PIGU: variants seen among roughly 807,000 people sequenced by gnomAD.
The protein encoded by PIGU is GPI-anchor transamidase component PIGU.
In PIGU, 24 loss-of-function variants were observed where a neutral mutation model predicts 49.9. The ratio of observed to expected loss-of-function variants is 0.48; its 90% CI spans 0.35 to 0.68. PIGU has a LOEUF of 0.68. PIGU is among the 30% of genes least tolerant of loss of function. The pLI, the probability that PIGU is intolerant of heterozygous loss-of-function variation, is 0.01. For missense variants in PIGU, 490 were observed against 532.6 expected, an observed-to-expected ratio of 0.92 and a Z score of 0.79; for synonymous variants, 220 against 205.7, an observed-to-expected ratio of 1.07 and a Z score of -0.59.
chr20:34,570,651 G>A (rs1362762903), intron 11 of PIGU, among the ~76,000 whole-genome samples: 2 of 152,170 alleles, frequency 1.3e-5, no homozygotes, highest in African/African-American at 4.8e-5. Flanking sequence ...CTGACCTCAT[G>A]ATCCCAAAGT....
chr20:34,663,091 G>A (rs1986977791), intron 1 of PIGU, among the ~76,000 whole-genome samples: 2 of 152,056 alleles, frequency 1.3e-5, no homozygotes, highest in Admixed American at 1.3e-4. Context: ...TTTTGGTAGA[G>A]ACAGTGTCTT....
chr20:34,564,465 C>T (rs1982660379), intron 11 of PIGU, among the ~76,000 whole-genome samples: 1 of 152,146 alleles, frequency 6.6e-6, no homozygotes, highest in Non-Finnish European at 1.5e-5. Context: ...CCCAGGAGGT[C>T]GACCTGGGCA....
Position 34,562,672 on chromosome 20 carries a change from G to A in PIGU, c.1195-1693C>T. ...CTGGAGCACTGGACTAATGGCCATG[G>A]ACCCAGAAAGGTGGTCTGCCTGGGG... On this transcript the variant is annotated intron_variant, in intron 11 of 11. Transcript: ENST00000217446. 3 of 863,896 alleles carry A rather than the reference G, an allele frequency of 3.5e-6. No homozygotes were observed. The South Asian group carries it at 4.2e-5, about 12-fold the overall frequency. 53.5% of individuals were successfully genotyped at this position (863,896 alleles called of 1,614,324 possible). A position where few individuals can be genotyped will look rare whatever the true frequency, so the allele number is the denominator to read the frequency against.
chr20:34,667,097 C>T (rs1301850507), intron 1 of PIGU, among the ~76,000 whole-genome samples: 1 of 152,166 alleles, frequency 6.6e-6, no homozygotes, highest in Non-Finnish European at 1.5e-5. Context: ...CCACCCTGGC[C>T]TCCCAAAGTG....
intron 1 of PIGU, among the ~76,000 whole-genome samples, chr20:34,668,483 A>AAAAG (rs1412365978): frequency 0.16 from 13,535 of 86,156 alleles, 1,451 homozygotes; most frequent in Non-Finnish European, 0.2. Context: ...AAAAAAAAAA[A>AAAAG]GGGGGGGGCG....
At chr20:34,611,379 G>A (rs1984806734) in intron 7 of PIGU, among the ~76,000 whole-genome samples, 1 of 152,110 alleles carries the variant, frequency 6.6e-6, no homozygotes, top group African/African-American at 2.4e-5. Context: ...AGGTGCGGTG[G>A]CTTATGCCTG....
intron 7 of PIGU, among the ~76,000 whole-genome samples, chr20:34,614,344 G>T (rs1309899967): frequency 6.6e-6 from 1 of 152,026 alleles, no homozygotes; most frequent in Non-Finnish European, 1.5e-5. Context: ...CAAATTTCTG[G>T]CTGGGTGAAG....
chr20:34,634,013 G>C (rs576021648), intron 6 of PIGU, among the ~76,000 whole-genome samples: 1 of 152,144 alleles, frequency 6.6e-6, no homozygotes, highest in Admixed American at 6.6e-5. Flanking sequence ...CAAAGAAGTT[G>C]AACTAGGGGT....
chr20:34,654,190 C>T lies in PIGU; in HGVS notation c.195+2990G>A, dbSNP rs142549772. On this transcript the variant is annotated intron_variant, in intron 2 of 11. Coordinates refer to ENST00000217446, the MANE Select transcript of PIGU (RefSeq NM_080476.5). ...TTATTAAGAGTCTCTTGGCCGGGCA[C>T]GGTGGCTCACGCCTGTAATCCTAGC... Among the ~76,000 whole-genome samples, 131 of 92,362 alleles carry T rather than the reference C, an allele frequency of 1.4e-3. 28 individuals are homozygous for T. In the East Asian group the frequency reaches 0.055, roughly 39 times the overall value. The allele number at this position is 92,362 out of a possible 152,430, so 60.6% of individuals were successfully genotyped here.
chr20:34,585,784 C>T (rs746002742), intron 8 of PIGU, among the ~76,000 whole-genome samples: 4 of 152,112 alleles, frequency 2.6e-5, no homozygotes, highest in Non-Finnish European at 4.4e-5. Context: ...AATGATAACC[C>T]ATAACAAATA....
chr20:34,644,029 G>A, intron 4 of PIGU, 135 bp downstream of exon 4: 1 of 751,686 alleles, frequency 1.3e-6, no homozygotes, highest in East Asian at 2.8e-5. Flanking sequence ...AGAGCTGGCT[G>A]AACAGGCCAG....
At chr20:34,584,840 A>C (rs1246329546) in intron 9 of PIGU, among the ~76,000 whole-genome samples, 1 of 152,098 alleles carries the variant, frequency 6.6e-6, no homozygotes, top group Admixed American at 6.6e-5. Flanking sequence ...GGCACCCGCC[A>C]CTATACCTGG....
At chr20:34,639,592 A>G (rs1056072025) in intron 4 of PIGU, among the ~76,000 whole-genome samples, 1 of 152,092 alleles carries the variant, frequency 6.6e-6, no homozygotes, top group Non-Finnish European at 1.5e-5. Flanking sequence ...AATAGGTTCA[A>G]AAGTATGTAC....
chr20:34,663,894 C>T (rs1987001171), intron 1 of PIGU, among the ~76,000 whole-genome samples: 1 of 152,206 alleles, frequency 6.6e-6, no homozygotes, highest in Non-Finnish European at 1.5e-5. Context: ...CATCACTCTC[C>T]ACTTGTCTGG....
In PIGU at chr20:34,606,233, C is replaced by T. The variant is rs937991373; in HGVS notation, c.627+9809G>A. On this transcript the variant is annotated intron_variant, in intron 7 of 11. Coordinates refer to ENST00000217446, the MANE Select transcript of PIGU (RefSeq NM_080476.5). ...TTGCACCACTGTACTCCAGCCTAGG[C>T]GACAGAGTGAGACTCCGTCTCAAAA... Among the ~76,000 whole-genome samples, 17 of 137,726 alleles carry T rather than the reference C, an allele frequency of 1.2e-4. No homozygotes were observed. In the Middle Eastern group the frequency reaches 0.017, roughly 134 times the overall value. 90.4% of individuals were successfully genotyped at this position (137,726 alleles called of 152,430 possible). A position where few individuals can be genotyped will look rare whatever the true frequency, so the allele number is the denominator to read the frequency against.
At chr20:34,676,393 T>C (rs932731020) in intron 1 of PIGU, among the ~76,000 whole-genome samples, 10 of 152,246 alleles carry the variant, frequency 6.6e-5, no homozygotes, top group Admixed American at 6.5e-4. Context: ...GCTTTCTCGC[T>C]GTAGGCGTTA....
chr20:34,580,487 T>C (rs1174771456), intron 10 of PIGU, among the ~76,000 whole-genome samples: 2 of 152,238 alleles, frequency 1.3e-5, no homozygotes, highest in Non-Finnish European at 2.9e-5. Flanking sequence ...TTTCACTTCC[T>C]GGTTGACACC....
intron 1 of PIGU, among the ~76,000 whole-genome samples, chr20:34,664,136 A>G (rs535228658): frequency 2.3e-4 from 35 of 152,298 alleles, no homozygotes; most frequent in Middle Eastern, 6.8e-3. Context: ...GGGTCAGACT[A>G]TGTAAAACAT....
chr20:34,657,254 T>C lies in PIGU; in HGVS notation c.131-10A>G, dbSNP rs1254900567. On this transcript the variant is annotated splice_polypyrimidine_tract_variant and intron_variant, in intron 1 of 11. Transcript: ENST00000217446. ...GAAAGGCCTTCAACCACTGAAAAAT[T>C]AGATATACAAGTTCACTCAGACTAA... 6.2e-7 allele frequency: 1 copy of C among 1,607,060 alleles called. No individual in the cohort carries two copies. Among genetic ancestry groups the C allele is most frequent in the Non-Finnish European group, 8.5e-7 (1 of 1,173,792 alleles).
Sources: gnomAD v4.1 joint callset for allele counts (sites outside exome capture counted in the v4.1 genomes callset) on GRCh38, gnomAD v4.1.1 for gene constraint, MANE v1.5 for transcripts, NCBI Gene and HGNC (gene_info 2026-07-23, HGNC 2026-07-21) for gene names.